Variants in ANKRD42 observed in about 807,000 individuals in gnomAD.
ANKRD42 encodes ankyrin repeat domain-containing protein 42.
ANKRD42 carries 43 observed loss-of-function variants against 51.5 expected under a neutral mutation model. The observed-to-expected ratio is 0.83, with a 90% CI of 0.65 to 1.08. The LOEUF is 1.08. ANKRD42 is among the 50% of genes least tolerant of loss of function. The pLI, the probability that ANKRD42 is intolerant of heterozygous loss-of-function variation, is 0.00. For synonymous variants in ANKRD42, 203 were observed against 213.0 expected (o/e 0.95, Z 0.41); for missense variants, 608 against 629.3 (o/e 0.97, Z 0.36).
At chr11:83,250,359 G>A (rs1407461403), downstream of ANKRD42, among the ~76,000 whole-genome samples, 5 of 152,038 alleles carry the variant, frequency 3.3e-5, no homozygotes, top group Non-Finnish European at 7.4e-5. Flanking sequence ...TGTTTTTATA[G>A]CACTTTCTCA....
intron 11 of ANKRD42, among the ~76,000 whole-genome samples, chr11:83,254,097 C>A (rs755307403): frequency 6.6e-6 from 1 of 152,134 alleles, no homozygotes; most frequent in Non-Finnish European, 1.5e-5. Flanking sequence ...GCCTCAGCCT[C>A]GTGAGTAGCT....
intron 8 of ANKRD42, among the ~76,000 whole-genome samples, chr11:83,240,374 A>G (rs942796338): frequency 1.2e-4 from 19 of 152,372 alleles, no homozygotes; most frequent in African/African-American, 4.6e-4. Context: ...AATGAATTCT[A>G]TAATCTAAAT....
chr11:83,225,743 G>T, intron 6 of ANKRD42, among the ~76,000 whole-genome samples: 1 of 128,378 alleles, frequency 7.8e-6, no homozygotes. Flanking sequence ...TCATGCAATT[G>T]CACTCCATCC....
rs756381044 is a variant in ANKRD42 at position 83,236,426 on chromosome 11, G to A, written c.936G>A (p.Glu312=). 1.5e-5 allele frequency: 24 copies of A among 1,611,274 alleles called. No individual in the cohort carries two copies. The highest frequency in any genetic ancestry group is 4.2e-6 in the Non-Finnish European group (5 of 1,179,038). ...CAGCTGCTGGACAAGGCCACATAGAGTGTTTGCAGTGGTTAATTAAAATGG... is the reference window on the plus strand; with the variant it reads ...CAGCTGCTGGACAAGGCCACATAGAATGTTTGCAGTGGTTAATTAAAATGG... ...MHKAAGQGHI[E]CLQWLIKMGA... Residue 312 remains glutamate (E), a synonymous_variant, in exon 8 of 11, where the codon GAG becomes GAA. Transcript: ENST00000533342.
chr11:83,201,295 C>T (rs966443075), intron 2 of ANKRD42, among the ~76,000 whole-genome samples: 1 of 152,122 alleles, frequency 6.6e-6, no homozygotes, highest in Non-Finnish European at 1.5e-5. Context: ...TGGTGGTTTC[C>T]AGCTTCATCC....
intron 5 of ANKRD42, among the ~76,000 whole-genome samples, 189 bp from the exon 6 acceptor site, chr11:83,224,666 C>T (rs1862818244): frequency 6.6e-6 from 1 of 152,024 alleles, no homozygotes; most frequent in Non-Finnish European, 1.5e-5. Context: ...GCCTGTACTC[C>T]CAGCTACTTG....
chr11:83,208,645 G>A lies in ANKRD42; in HGVS notation c.331-1655G>A, dbSNP rs75008197. The stretch of plus-strand genomic sequence containing the variant: ...CTTGCAAAGCAAACATTGACAGAGC[G>A]TAGTGAAAATTCAAATTTTGAGTCA... On this transcript the variant is annotated intron_variant, in intron 3 of 10. Coordinates refer to ENST00000533342, the MANE Select transcript of ANKRD42 (RefSeq NM_001300975.2). Among the ~76,000 whole-genome samples, 777 of 152,210 alleles carry A rather than the reference G, an allele frequency of 5.1e-3. 6 individuals are homozygous for A. The highest frequency in any genetic ancestry group is 0.018 in the African/African-American group (738 of 41,536).
At chr11:83,262,780 T>C (rs1238295397), downstream of ANKRD42, among the ~76,000 whole-genome samples, 1 of 152,218 alleles carries the variant, frequency 6.6e-6, no homozygotes, top group Non-Finnish European at 1.5e-5. Flanking sequence ...TGGTTAATGA[T>C]AAGATCATTT....
chr11:83,220,601 C>T (rs1008609645), intron 5 of ANKRD42, among the ~76,000 whole-genome samples: 18 of 152,124 alleles, frequency 1.2e-4, no homozygotes, highest in African/African-American at 3.4e-4. Context: ...GAAGGGGTCC[C>T]GAATGGGTAG....
chr11:83,263,514 C>T (rs1864056181), downstream of ANKRD42, among the ~76,000 whole-genome samples: 1 of 152,216 alleles, frequency 6.6e-6, no homozygotes, highest in African/African-American at 2.4e-5. Context: ...ATTTTAAGCA[C>T]TCTGTAAACA....
intron 9 of ANKRD42, among the ~76,000 whole-genome samples, chr11:83,243,854 C>T (rs995001099): frequency 4.6e-5 from 7 of 150,872 alleles, no homozygotes; most frequent in Non-Finnish European, 8.8e-5. Flanking sequence ...TTAGTAGAGA[C>T]GGGGTTTCAC....
chr11:83,207,081 T>C (rs1477467870), intron 3 of ANKRD42, among the ~76,000 whole-genome samples: 1 of 152,052 alleles, frequency 6.6e-6, no homozygotes, highest in East Asian at 1.9e-4. Flanking sequence ...ACAATCATGG[T>C]GGAAGGGGAA....
intron 1 of ANKRD42, among the ~76,000 whole-genome samples, chr11:83,195,845 CTTT>C (rs573093104): frequency 2.9e-5 from 4 of 138,426 alleles, no homozygotes; most frequent in African/African-American, 5.5e-5. Context: ...CTCTCTCTCT[CTTT>C]TTTTTTTTTT....
chr11:83,213,526 T>A (rs1406901712), intron 5 of ANKRD42: 24 of 1,298,936 alleles, frequency 1.8e-5, no homozygotes, highest in Non-Finnish European at 2.2e-5. Flanking sequence ...CTGCTTTCAA[T>A]TTCCATTTTC....
intron 5 of ANKRD42, among the ~76,000 whole-genome samples, 167 bp from the exon 6 acceptor site, chr11:83,224,688 T>TG (rs1300126302): frequency 2.6e-5 from 4 of 151,922 alleles, no homozygotes; most frequent in Non-Finnish European, 5.9e-5. Flanking sequence ...GAGGATGAGG[T>TG]GGGGGGAATC....
downstream of ANKRD42, among the ~76,000 whole-genome samples, chr11:83,256,303 C>A (rs185601498): frequency 1.3e-5 from 2 of 152,096 alleles, no homozygotes; most frequent in East Asian, 3.9e-4. Flanking sequence ...AATTATATTT[C>A]TTTCACTTTC....
chr11:83,223,411 G>A (rs1167276226), intron 5 of ANKRD42, among the ~76,000 whole-genome samples: 1 of 152,172 alleles, frequency 6.6e-6, no homozygotes, highest in Non-Finnish European at 1.5e-5. Flanking sequence ...CAAAGGTAGT[G>A]AGAAGTAATC....
chr11:83,207,685 A>G (rs1590968988), intron 3 of ANKRD42, among the ~76,000 whole-genome samples: 1 of 152,220 alleles, frequency 6.6e-6, no homozygotes, highest in Non-Finnish European at 1.5e-5. Context: ...TCCCTTTTAT[A>G]TAGGTTACAA....
intron 8 of ANKRD42, among the ~76,000 whole-genome samples, chr11:83,238,494 A>T (rs1863286676): frequency 6.6e-6 from 1 of 152,184 alleles, no homozygotes; most frequent in Non-Finnish European, 1.5e-5. Context: ...GAAGAGTTCG[A>T]GACCAGTCTG....
Sources: gnomAD v4.1 joint callset for allele counts (sites outside exome capture counted in the v4.1 genomes callset) on GRCh38, gnomAD v4.1.1 for gene constraint, MANE v1.5 for transcripts, NCBI Gene and HGNC (gene_info 2026-07-23, HGNC 2026-07-21) for gene names.